HNF1B: variants seen among roughly 807,000 people sequenced by gnomAD.
HNF1B encodes hepatocyte nuclear factor 1-beta.
A neutral mutation model predicts 61.7 loss-of-function variants in HNF1B; 8 were observed. The observed-to-expected ratio is 0.13, with a 90% CI of 0.08 to 0.23. The LOEUF (loss-of-function observed/expected upper bound fraction) is 0.23, where lower values mean the gene tolerates loss of function less well. HNF1B is among the 10% of genes least tolerant of loss of function. HNF1B has a pLI of 1.00. For synonymous variants in HNF1B, 314 were observed against 287.7 expected, an observed-to-expected ratio of 1.09 and a Z score of -0.93; for missense variants, 562 against 714.5, an observed-to-expected ratio of 0.79 and a Z score of 2.43.
At chr17:37,744,473 GTCAC>G in intron 1 of HNF1B, 64 bp downstream of exon 1, 1 of 1,519,682 alleles carries the variant, frequency 6.6e-7, no homozygotes, top group Admixed American at 1.7e-5. Flanking sequence ...CGGGCGCAGT[GTCAC>G]TCAGGCCCGG....
chr17:37,728,063 C>T (rs907874099), intron 4 of HNF1B, among the ~76,000 whole-genome samples: 3 of 151,800 alleles, frequency 2.0e-5, no homozygotes, highest in East Asian at 3.9e-4. Flanking sequence ...TGGCCCATCT[C>T]GGCTCACTGC....
chr17:37,736,148 G>A (rs1225329163), intron 2 of HNF1B, among the ~76,000 whole-genome samples: 3 of 152,324 alleles, frequency 2.0e-5, no homozygotes, highest in African/African-American at 7.2e-5. Flanking sequence ...TACTTGAGGG[G>A]AAATCCAAGG....
chr17:37,700,446 G>C (rs1394472985), intron 7 of HNF1B, among the ~76,000 whole-genome samples: 1 of 152,216 alleles, frequency 6.6e-6, no homozygotes, highest in East Asian at 1.9e-4. Flanking sequence ...CATGCCACTG[G>C]TATTTTTCAC....
intron 2 of HNF1B, among the ~76,000 whole-genome samples, chr17:37,735,284 C>G (rs1054478851): frequency 1.4e-4 from 21 of 152,284 alleles, no homozygotes; most frequent in Non-Finnish European, 1.0e-4. Context: ...CCTCTACAAC[C>G]CCACACCAAG....
At position 37,710,814 on chromosome 17, in the gene HNF1B, T is replaced by C; in HGVS notation, c.1046-151A>G. On this transcript the variant is annotated intron_variant, in intron 4 of 8. Coordinates refer to ENST00000617811, the MANE Select transcript of HNF1B (RefSeq NM_000458.4). ...ACCCACAAGAAATATCGGCTGCTTT[T>C]CTCCAGGGTAAATATGGCATGTTCT... is the stretch of plus-strand genomic sequence containing the variant. The C allele has an allele frequency of 5.2e-6, 4 of 776,674 alleles. No homozygotes were observed. The Admixed American group carries it at 8.1e-5, about 16-fold the overall frequency. 48.1% of individuals were successfully genotyped at this position (776,674 alleles called of 1,614,324 possible).
intron 4 of HNF1B, among the ~76,000 whole-genome samples, chr17:37,716,677 A>G (rs957656405): frequency 2.0e-5 from 3 of 152,212 alleles, no homozygotes; most frequent in Non-Finnish European, 4.4e-5. Flanking sequence ...GGAGCTGCTC[A>G]GGGTGCCATT....
chr17:37,743,808 C>T (rs1355719324), intron 1 of HNF1B, among the ~76,000 whole-genome samples: 1 of 152,236 alleles, frequency 6.6e-6, no homozygotes, highest in Non-Finnish European at 1.5e-5. Context: ...GAAACGCCCT[C>T]CTTTCTCAGA....
intron 1 of HNF1B, 29 bp downstream of exon 1, chr17:37,744,512 G>T: frequency 6.3e-7 from 1 of 1,596,490 alleles, no homozygotes; most frequent in Non-Finnish European, 8.5e-7. Context: ...GGGTTCGGGT[G>T]GGTCCCCTCC....
chr17:37,688,767 G>A (rs974574044), intron 8 of HNF1B, among the ~76,000 whole-genome samples: 1 of 152,162 alleles, frequency 6.6e-6, no homozygotes, highest in Non-Finnish European at 1.5e-5. Flanking sequence ...CACCTGTGGA[G>A]TCCTGAGCAT....
intron 5 of HNF1B, among the ~76,000 whole-genome samples, chr17:37,709,397 A>G (rs534013850): frequency 6.6e-6 from 1 of 151,852 alleles, no homozygotes; most frequent in African/African-American, 2.4e-5. Flanking sequence ...TTACAGGTGC[A>G]TGCCACCATT....
At chr17:37,744,440 G>T (rs2034102940) in intron 1 of HNF1B, 101 bp downstream of exon 1, 1 of 1,249,356 alleles carries the variant, frequency 8.0e-7, no homozygotes, top group Non-Finnish European at 1.1e-6. Context: ...TCTCTGGTGG[G>T]AAACGGGCTT....
chr17:37,727,118 C>T (rs1250877922), intron 4 of HNF1B, among the ~76,000 whole-genome samples: 6 of 152,210 alleles, frequency 3.9e-5, no homozygotes, highest in Non-Finnish European at 7.3e-5. Flanking sequence ...CCTCCTCCTC[C>T]TCGAGCCAAT....
At chr17:37,731,863 G>A (rs745398521) in intron 3 of HNF1B, 33 bp from the exon 4 acceptor site, 87 of 1,389,678 alleles carry the variant, frequency 6.3e-5, no homozygotes, top group Admixed American at 1.4e-4. Flanking sequence ...TGGTGAGTGA[G>A]GGGGGGCGGG....
intron 7 of HNF1B, among the ~76,000 whole-genome samples, chr17:37,700,679 G>GT (rs996244398): frequency 1.1e-4 from 17 of 152,188 alleles, no homozygotes; most frequent in African/African-American, 3.9e-4. Context: ...TTCCAGAGGT[G>GT]TTGGAATGGG....
chr17:37,744,858 C>T lies in HNF1B; in HGVS notation c.27G>A (p.Gln9=). The T allele has an allele frequency of 2.9e-6, 4 of 1,369,964 alleles. No homozygotes were observed. In the South Asian group the frequency reaches 3.4e-5, roughly 12 times the overall value. 84.9% of individuals were successfully genotyped at this position (1,369,964 alleles called of 1,614,324 possible). ...TCAGCAGGGCGCTCAGGAGTTCTTG[C>T]TGGAGCGACGTGAGCTTGGACACCA... The part of the protein sequence containing the change: MVSKLTSL[Q]QELLSALLSS... The change falls in exon 1 of 9, where the codon CAG becomes CAA. Residue 9 remains glutamine, a synonymous_variant. Coordinates refer to ENST00000617811, the MANE Select transcript of HNF1B (RefSeq NM_000458.4).
chr17:37,731,453 A>G (rs932249804), intron 4 of HNF1B, 142 bp downstream of exon 4: 2 of 740,568 alleles, frequency 2.7e-6, no homozygotes, highest in Admixed American at 4.0e-5. Context: ...TTTCCAGGGG[A>G]GTATATTCTG....
At chr17:37,741,627 G>A (rs1044491633) in intron 1 of HNF1B, among the ~76,000 whole-genome samples, 1 of 152,124 alleles carries the variant, frequency 6.6e-6, no homozygotes, top group African/African-American at 2.4e-5. Context: ...TACTTTCAAC[G>A]GCTACGAACA....
At chr17:37,699,601 C>T (rs115000940) in intron 7 of HNF1B, among the ~76,000 whole-genome samples, 284 of 152,286 alleles carry the variant, frequency 1.9e-3, no homozygotes, top group African/African-American at 6.1e-3. Context: ...GTCCACAGGT[C>T]GCTGGTGACC....
chr17:37,720,882 G>T, intron 4 of HNF1B: 2 of 985,306 alleles, frequency 2.0e-6, no homozygotes, highest in Non-Finnish European at 2.4e-6. Flanking sequence ...AGTTCCCCTG[G>T]CTGTAGGGTT....
Sources: allele counts gnomAD v4.1 joint callset (sites outside exome capture counted in the v4.1 genomes callset), GRCh38; gene constraint gnomAD v4.1.1; transcripts MANE v1.5; gene names NCBI Gene and HGNC (gene_info 2026-07-23, HGNC 2026-07-21).